Variants in PSG8 observed in about 807,000 individuals in gnomAD.
PSG8 encodes the protein pregnancy specific beta-1-glycoprotein 8, also known as pregnancy-specific beta-1-glycoprotein 8.
PSG8 carries 57 observed loss-of-function variants against 42.5 expected under a neutral mutation model. The ratio of observed to expected loss-of-function variants is 1.34; its 90% confidence interval spans 1.08 to 1.67. The LOEUF (loss-of-function observed/expected upper bound fraction) is 1.67. Ranked by LOEUF, PSG8 falls within the 40% of genes most tolerant of loss-of-function variation. The pLI, the probability that PSG8 is intolerant of heterozygous loss-of-function variation, is 0.00. For missense variants in PSG8, 783 were observed against 518.6 expected (o/e 1.51, Z -4.95); for synonymous variants, 280 against 196.8 (o/e 1.42, Z -3.54).
chr19:42,755,217 C>G lies in PSG8; in HGVS notation c.759G>C (p.Glu253Asp), dbSNP rs144938138. The G allele has an allele frequency of 1.9e-6, 3 of 1,611,944 alleles. No individual in the cohort carries two copies. In the African/African-American group the frequency reaches 4.0e-5, roughly 22 times the overall value. ...YITINNLKPR[E>D]NKDVLNFTCE... Reference sequence around the variant, plus strand: ...AGGTGAAGTTTAAGACATCCTTATTCTCCCTGGGTTTTAAGTTGTTGATGG... The same window carrying G: ...AGGTGAAGTTTAAGACATCCTTATTGTCCCTGGGTTTTAAGTTGTTGATGG... The change falls in exon 4 of 5, where the codon GAG becomes GAC. Residue 253 changes from glutamate (E) to aspartate (D), a missense_variant. Physicochemically the swap from Glu to Asp is conservative, Grantham distance 45 (BLOSUM62 2). Coordinates refer to ENST00000306511, the MANE Select transcript of PSG8 (RefSeq NM_182707.3).
chr19:42,761,339 G>T (rs1483283727), intron 2 of PSG8, among the ~76,000 whole-genome samples: 1 of 152,220 alleles, frequency 6.6e-6, no homozygotes, highest in African/African-American at 2.4e-5. Context: ...GAAAGACCAT[G>T]AGATTAAGGT....
intron 2 of PSG8, among the ~76,000 whole-genome samples, chr19:42,763,078 A>G (rs995406487): frequency 6.6e-6 from 1 of 152,184 alleles, no homozygotes; most frequent in African/African-American, 2.4e-5. Context: ...ATGTTAAATG[A>G]TTCACAGTCA....
chr19:42,759,566 C>A (rs1691708546), intron 2 of PSG8, among the ~76,000 whole-genome samples: 1 of 152,116 alleles, frequency 6.6e-6, no homozygotes, highest in Non-Finnish European at 1.5e-5. Context: ...CGCCAGTGAG[C>A]ACTTCTTTTT....
chr19:42,764,330 G>A, intron 1 of PSG8, 49 bp from the exon 2 acceptor site: 1 of 1,572,236 alleles, frequency 6.4e-7, no homozygotes, highest in Non-Finnish European at 8.6e-7. Flanking sequence ...ATGTATTGGT[G>A]TGAAAACATG....
chr19:42,754,424 A>T lies in PSG8; in HGVS notation c.1152T>A (p.Ile384=), dbSNP rs376501776. The change falls in exon 5 of 5, where the codon ATT becomes ATA. Residue 384 remains isoleucine, a synonymous_variant. Coordinates refer to ENST00000306511, the MANE Select transcript of PSG8 (RefSeq NM_182707.3). ...LSGQKLFIPQ[I]TTKHSGLYAC... ...CATAGAGCCCGCTATGCTTTGTAGT[A>T]ATTTGGGGGATAAAGAGCTTTTGTC... The T allele has an allele frequency of 6.2e-7, 1 of 1,613,780 alleles. No individual in the cohort carries two copies. Among genetic ancestry groups the T allele is most frequent in the African/African-American group, 1.3e-5 (1 of 74,984 alleles).
At chr19:42,758,350 A>G (rs1969986706) in intron 2 of PSG8, 70 bp from the exon 3 acceptor site, 6 of 1,565,286 alleles carry the variant, frequency 3.8e-6, no homozygotes, top group Non-Finnish European at 5.2e-6. Context: ...TTTTTCAATC[A>G]GAGTTGGCAT....
In PSG8 at chr19:42,754,247, A is replaced by C. The variant is rs758039851; in HGVS notation, c.*48T>G. 8.1e-6 allele frequency: 13 copies of C among 1,600,110 alleles called. No homozygotes were observed. The African/African-American group carries it at 1.1e-4, about 13-fold the overall frequency. On this transcript the variant is annotated 3_prime_UTR_variant, in exon 5 of 5. Transcript: ENST00000306511. Reference sequence around the variant, plus strand: ...TTGTGCCCATGGGACGCAGGCTGGGAATAAAAATGTTTTCCTGACTCTTCC... The same window carrying C: ...TTGTGCCCATGGGACGCAGGCTGGGCATAAAAATGTTTTCCTGACTCTTCC...
intron 3 of PSG8, among the ~76,000 whole-genome samples, chr19:42,757,445 A>G (rs1357752354): frequency 3.9e-5 from 6 of 152,052 alleles, no homozygotes. Context: ...TTTGGGGGAT[A>G]AAGAACACTT....
chr19:42,763,047 T>C (rs1250477977), intron 2 of PSG8, among the ~76,000 whole-genome samples: 1 of 152,154 alleles, frequency 6.6e-6, no homozygotes, highest in African/African-American at 2.4e-5. Flanking sequence ...GACAGTGGCT[T>C]TTCATGCTAT....
chr19:42,758,006 G>A lies in PSG8; in HGVS notation c.705C>T (p.Leu235=). 2 of 1,614,028 alleles carry A rather than the reference G, an allele frequency of 1.2e-6. No individual in the cohort carries two copies. The highest frequency in any genetic ancestry group is 1.7e-6 in the Non-Finnish European group (2 of 1,179,950). The change falls in exon 3 of 5, where the codon CTC becomes CTT. Residue 235 remains leucine, a synonymous_variant. Coordinates refer to ENST00000306511, the MANE Select transcript of PSG8 (RefSeq NM_182707.3). ...ASRSDPFTLN[L]LPKLPKPYIT... ...AGAGGAACAGAAAATACTCACGGAG[G>A]AGATTCAGGGTGAATGGGTCACTGC...
chr19:42,754,670 C>T (rs1969870533), intron 4 of PSG8, 83 bp from the exon 5 acceptor site: 1 of 1,492,350 alleles, frequency 6.7e-7, no homozygotes, highest in South Asian at 1.3e-5. Context: ...CACAGTGACC[C>T]TCTGAGCCAA....
Position 42,764,162 on chromosome 19 carries a change from G to A in PSG8, c.184C>T (p.Leu62Phe). 1 of 1,613,920 alleles carries A rather than the reference G, an allele frequency of 6.2e-7. No individual in the cohort carries two copies. Among genetic ancestry groups the A allele is most frequent in the Non-Finnish European group, 8.5e-7 (1 of 1,179,902 alleles). The change falls in exon 2 of 5, where the codon CTT becomes TTT. Residue 62 changes from leucine to phenylalanine, a missense_variant. Coordinates refer to ENST00000306511, the MANE Select transcript of PSG8 (RefSeq NM_182707.3). ...LLLVHNLPQN[L>F]TGYIWYKGQI... is the part of the protein sequence containing the mutation. ...CCTTTGTACCAGATGTAGCCAGTAA[G>A]ATTCTGGGGCAAATTGTGGACAAGT...
intron 3 of PSG8, chr19:42,755,469 C>T: frequency 8.8e-7 from 1 of 1,135,758 alleles, no homozygotes; most frequent in South Asian, 1.6e-5. Flanking sequence ...CTTAGGGAAG[C>T]ACAGACTTTC....
rs150761367 is a variant in PSG8 at position 42,760,683 on chromosome 19, C to T, written c.431-2403G>A. Reference sequence around the variant, plus strand: ...CTGCAAGCTCTGCCTCCTAGGTTCACGCCATTCTCCTGCCTCAGCCTCCCA... The same window carrying T: ...CTGCAAGCTCTGCCTCCTAGGTTCATGCCATTCTCCTGCCTCAGCCTCCCA... On this transcript the variant is annotated intron_variant, in intron 2 of 4. Coordinates refer to ENST00000306511, the MANE Select transcript of PSG8 (RefSeq NM_182707.3). Among the ~76,000 whole-genome samples, 1,222 of 151,988 alleles carry T rather than the reference C, an allele frequency of 8.0e-3. 22 individuals are homozygous for T. Among genetic ancestry groups the T allele is most frequent in the African/African-American group, 0.028 (1,147 of 41,464 alleles).
chr19:42,764,702 C>G (rs1310601059), intron 1 of PSG8, among the ~76,000 whole-genome samples: 1 of 152,076 alleles, frequency 6.6e-6, no homozygotes, highest in Non-Finnish European at 1.5e-5. Flanking sequence ...CTCCAGGGTT[C>G]TTCTCAACAC....
chr19:42,761,851 T>TTTTC, intron 2 of PSG8, among the ~76,000 whole-genome samples: 1 of 130,160 alleles, frequency 7.7e-6, no homozygotes, highest in Admixed American at 8.2e-5. Context: ...TTTTTTTTTT[T>TTTTC]TGTGCAGGAG....
rs772403302 is a variant in PSG8 at position 42,765,594 on chromosome 19, CTG to C, written c.-15_-14del. 24 of 1,609,632 alleles carry C rather than the reference CTG, an allele frequency of 1.5e-5. No homozygotes were observed. In the South Asian group the frequency reaches 2.5e-4, roughly 17 times the overall value. ...AGAGGAGCCCCATGGTCTCTGCTGTCTGTGTGTTCTCCTCTGTGGAGATGAGC... is the reference window on the plus strand; with the variant it reads ...AGAGGAGCCCCATGGTCTCTGCTGTCTGTGTTCTCCTCTGTGGAGATGAGC... On this transcript the variant is annotated 5_prime_UTR_variant, in exon 1 of 5. Coordinates refer to ENST00000306511, the MANE Select transcript of PSG8 (RefSeq NM_182707.3).
chr19:42,764,056 C>T lies in PSG8; in HGVS notation c.290G>A (p.Gly97Glu), dbSNP rs770678423. 1.4e-5 allele frequency: 23 copies of T among 1,613,764 alleles called. No individual in the cohort carries two copies. The African/African-American group carries it at 2.5e-4, about 18-fold the overall frequency. The part of the protein sequence containing the change: ...QIIIYGPAYS[G>E]RETIYSNASL... Reference sequence around the variant, plus strand: ...TGCATTGGAATATATTGTTTCTCGTCCACTGTATGCAGGCCCATATATAAT... The same window carrying T: ...TGCATTGGAATATATTGTTTCTCGTTCACTGTATGCAGGCCCATATATAAT... Residue 97 changes from glycine to glutamate, a missense_variant, in exon 2 of 5, where the codon GGA (glycine) becomes GAA (glutamate). Physicochemically the swap from Gly to Glu is moderately conservative, Grantham distance 98. Coordinates refer to ENST00000306511, the MANE Select transcript of PSG8 (RefSeq NM_182707.3).
intron 2 of PSG8, among the ~76,000 whole-genome samples, chr19:42,761,906 C>T (rs1186620041): frequency 5.7e-5 from 7 of 123,014 alleles, no homozygotes; most frequent in Admixed American, 3.3e-4. Flanking sequence ...GGAGGAACTG[C>T]CTATCCCTGT....
Sources: gnomAD v4.1 joint callset for allele counts (sites outside exome capture counted in the v4.1 genomes callset) on GRCh38, gnomAD v4.1.1 for gene constraint, MANE v1.5 for transcripts, NCBI Gene and HGNC (gene_info 2026-07-23, HGNC 2026-07-21) for gene names.